Variants in IGFBP5 observed in about 807,000 individuals in gnomAD.
IGFBP5 encodes insulin like growth factor binding protein 5.
IGFBP5 carries 12 observed loss-of-function variants against 28.0 expected under a neutral mutation model. That is an observed-to-expected ratio of 0.43 (90% CI 0.27 to 0.69). The LOEUF is 0.69. Ranked by LOEUF, IGFBP5 falls within the 30% of genes least tolerant of loss-of-function variation. The pLI is 0.20. For missense variants in IGFBP5, 344 were observed against 381.6 expected, an observed-to-expected ratio of 0.90 and a Z score of 0.82; for synonymous variants, 152 against 150.2, an observed-to-expected ratio of 1.01 and a Z score of -0.09.
At chr2:216,682,962 C>A (rs1350633348) in intron 1 of IGFBP5, among the ~76,000 whole-genome samples, 5 of 151,996 alleles carry the variant, frequency 3.3e-5, no homozygotes, top group Non-Finnish European at 7.4e-5. Context: ...CCCGCCTTGG[C>A]CTCCCAAAGA....
intron 3 of IGFBP5, 45 bp from the exon 4 acceptor site, chr2:216,676,927 G>T: frequency 6.2e-7 from 1 of 1,604,636 alleles, no homozygotes; most frequent in Non-Finnish European, 8.5e-7. Context: ...CCGCACCCCA[G>T]GGCTCTGCTC....
intron 1 of IGFBP5, among the ~76,000 whole-genome samples, chr2:216,686,948 C>A (rs1304978133): frequency 1.3e-5 from 2 of 152,108 alleles, no homozygotes; most frequent in East Asian, 3.9e-4. Context: ...ATGGCAATGG[C>A]CCCTTCTCCA....
intron 2 of IGFBP5, 32 bp from the exon 3 acceptor site, chr2:216,678,263 A>G (rs1415050170): frequency 6.7e-7 from 1 of 1,486,360 alleles, no homozygotes; most frequent in East Asian, 2.4e-5. Context: ...AGGCGTGGCG[A>G]GACCAAGGGA....
In IGFBP5 at chr2:216,694,722, G is replaced by A; in HGVS notation, c.54C>T (p.Ala18=). The A allele has an allele frequency of 6.8e-7, 1 of 1,466,062 alleles. No homozygotes were observed. 90.8% of individuals were successfully genotyped at this position (1,466,062 alleles called of 1,614,324 possible). A position where few individuals can be genotyped will look rare whatever the true frequency, so the allele number is the denominator to read the frequency against. Residue 18 remains alanine (A), a synonymous_variant, in exon 1 of 4, where the codon GCC becomes GCT. Transcript: ENST00000233813. The surrounding 1 kb of genome is among the most constrained non-coding windows in gnomAD (Gnocchi z 5.2). ...LLLLAAYAGP[A]QSLGSFVHCE... The stretch of plus-strand genomic sequence containing the variant: ...AGTGCACGAAGGAGCCCAGGCTCTG[G>A]GCCGGCCCCGCATAGGCGGCCAGCA...
At position 216,694,714 on chromosome 2, in the gene IGFBP5, A is replaced by G; in HGVS notation, c.62T>C (p.Leu21Pro). The change falls in exon 1 of 4, where the codon CTG becomes CCG. Residue 21 changes from leucine to proline, a missense_variant. This residue lies in a region of IGFBP5 where 304 missense variants were observed against 329.2 expected (regional missense o/e 0.92). Coordinates refer to ENST00000233813, the MANE Select transcript of IGFBP5 (RefSeq NM_000599.4). The surrounding 1 kb of genome is among the most constrained non-coding windows in gnomAD (Gnocchi z 5.2). The stretch of plus-strand genomic sequence containing the variant: ...GGGCTCGCAGTGCACGAAGGAGCCC[A>G]GGCTCTGGGCCGGCCCCGCATAGGC... ...LAAYAGPAQS[L>P]GSFVHCEPCD... 1 of 1,484,064 alleles carries G rather than the reference A, an allele frequency of 6.7e-7. No individual in the cohort carries two copies. The highest frequency in any genetic ancestry group is 2.5e-5 in the East Asian group (1 of 39,654). 91.9% of individuals were successfully genotyped at this position (1,484,064 alleles called of 1,614,324 possible). A position where few individuals can be genotyped will look rare whatever the true frequency, so the allele number is the denominator to read the frequency against.
rs554441840 is a variant in IGFBP5, at chr2:216,678,148, G to T, written c.651C>A (p.Pro217=). 1 of 1,584,834 alleles carries T rather than the reference G, an allele frequency of 6.3e-7. No homozygotes were observed. Among genetic ancestry groups the T allele is most frequent in the South Asian group, 1.2e-5 (1 of 86,886 alleles). The change falls in exon 3 of 4, where the codon CCC becomes CCA. Residue 217 remains proline, a synonymous_variant. Coordinates refer to ENST00000233813, the MANE Select transcript of IGFBP5 (RefSeq NM_000599.4). ...TGTAGAATCCTTTGCGGTCACAATT[G>T]GGCAGGTACACAGCACGGGGCACCA... ...PRMVPRAVYL[P]NCDRKGFYKR...
At chr2:216,687,223 G>T (rs1574581505) in intron 1 of IGFBP5, among the ~76,000 whole-genome samples, 1 of 152,288 alleles carries the variant, frequency 6.6e-6, no homozygotes. Flanking sequence ...ACTTGGCACA[G>T]GTGCTCTCCG....
At chr2:216,690,877 GGA>G (rs1459717368) in intron 1 of IGFBP5, among the ~76,000 whole-genome samples, 11 of 140,770 alleles carry the variant, frequency 7.8e-5, no homozygotes, top group African/African-American at 2.0e-4. Context: ...GAAAGGTGGG[GGA>G]GGGGGGGCGG....
chr2:216,687,442 G>C (rs1446513613), intron 1 of IGFBP5, among the ~76,000 whole-genome samples: 1 of 152,180 alleles, frequency 6.6e-6, no homozygotes, highest in Non-Finnish European at 1.5e-5. Context: ...CTGCCCCACT[G>C]TCCAGGGACC....
In IGFBP5 at chr2:216,692,499, A is replaced by G. The variant is rs1004716104; in HGVS notation, c.337+1940T>C. ...CATCACACTACACGCTTGGTAAATAATAAGTGGAGCCAGGATGCGGCTGAG... is the reference window on the plus strand; with the variant it reads ...CATCACACTACACGCTTGGTAAATAGTAAGTGGAGCCAGGATGCGGCTGAG... On this transcript the variant is annotated intron_variant, in intron 1 of 3. Transcript: ENST00000233813. The surrounding 1 kb of genome is among the most constrained non-coding windows in gnomAD (Gnocchi z 4.2). Among the ~76,000 whole-genome samples the G allele has an allele frequency of 3.3e-5, 5 of 152,072 alleles. No individual in the cohort carries two copies. The highest frequency in any genetic ancestry group is 9.7e-5 in the African/African-American group (4 of 41,426).
intron 3 of IGFBP5, among the ~76,000 whole-genome samples, chr2:216,677,670 C>G (rs1413266323): frequency 6.6e-6 from 1 of 152,134 alleles, no homozygotes; most frequent in Non-Finnish European, 1.5e-5. Flanking sequence ...TGGGGCCCAG[C>G]CATCAGCCAT....
chr2:216,685,293 A>G (rs2106222013), intron 1 of IGFBP5, among the ~76,000 whole-genome samples: 1 of 152,044 alleles, frequency 6.6e-6, no homozygotes, highest in East Asian at 1.9e-4. Flanking sequence ...AAAAGTATAT[A>G]TTTAATATGG....
chr2:216,682,192 C>A (rs1430425043), intron 1 of IGFBP5, among the ~76,000 whole-genome samples: 2 of 152,172 alleles, frequency 1.3e-5, no homozygotes, highest in African/African-American at 4.8e-5. Flanking sequence ...GTTTCTGGTG[C>A]CACTTAACCC....
rs141522040 is a variant in IGFBP5 at position 216,687,902 on chromosome 2, C to T, written c.337+6537G>A. On this transcript the variant is annotated intron_variant, in intron 1 of 3. Transcript: ENST00000233813. ...CTCTCCTGAGGCCCCGAAGAAGGTG[C>T]CCAGGCTCTGCTAGGGACCAAACAA... Among the ~76,000 whole-genome samples, 6 of 152,262 alleles carry T rather than the reference C, an allele frequency of 3.9e-5. No individual in the cohort carries two copies. The East Asian group carries it at 1.2e-3, about 29-fold the overall frequency.
Position 216,689,328 on chromosome 2 carries a change from A to T in IGFBP5, c.337+5111T>A, listed in dbSNP as rs557861394. ...GCTGGGGTGAACACCCCTCCTTCAC[A>T]CCCTCTTGGTCCTCTTTCTCTGACC... On this transcript the variant is annotated intron_variant, in intron 1 of 3. Coordinates refer to ENST00000233813, the MANE Select transcript of IGFBP5 (RefSeq NM_000599.4). Among the ~76,000 whole-genome samples, 4 of 152,194 alleles carry T rather than the reference A, an allele frequency of 2.6e-5. No homozygotes were observed. The East Asian group carries it at 7.7e-4, about 29-fold the overall frequency.
intron 1 of IGFBP5, among the ~76,000 whole-genome samples, chr2:216,682,712 TTG>T (rs1470812199): frequency 6.6e-6 from 1 of 151,634 alleles, no homozygotes; most frequent in African/African-American, 2.4e-5. Flanking sequence ...GAAGCGTTTT[TTG>T]TTTTTTTTTT....
Position 216,694,846 on chromosome 2 carries a change from A to T in IGFBP5, c.-71T>A. On this transcript the variant is annotated 5_prime_UTR_variant, in exon 1 of 4. Coordinates refer to ENST00000233813, the MANE Select transcript of IGFBP5 (RefSeq NM_000599.4). This position sits in a 1 kb window ranked among gnomAD's most constrained non-coding sequence, Gnocchi z 5.2. ...AGAGTGCAGGGATAAAGGGGCCAAG[A>T]GGGCCCCCGGAGATTTTTTTGTTTT... is the stretch of plus-strand genomic sequence containing the variant. 1 of 1,058,106 alleles carries T rather than the reference A, an allele frequency of 9.5e-7. No individual in the cohort carries two copies. The highest frequency in any genetic ancestry group is 4.0e-5 in the Admixed American group (1 of 24,860). 65.5% of individuals were successfully genotyped at this position (1,058,106 alleles called of 1,614,324 possible).
Position 216,681,423 on chromosome 2 carries a change from C to G in IGFBP5, c.338-2344G>C, listed in dbSNP as rs116356351. Among the ~76,000 whole-genome samples, 335 of 152,230 alleles carry G rather than the reference C, an allele frequency of 2.2e-3. 2 individuals carry two copies. Among genetic ancestry groups the G allele is most frequent in the African/African-American group, 7.8e-3 (326 of 41,536 alleles). On this transcript the variant is annotated intron_variant, in intron 1 of 3. Transcript: ENST00000233813. ...GGTGGGGGAGTGGGCTGGCTGCTGA[C>G]CAGCGCATGCGTCTATGCGTCTCCT...
chr2:216,677,978 G>C (rs778375833), intron 3 of IGFBP5, 134 bp downstream of exon 3: 243 of 739,084 alleles, frequency 3.3e-4, no homozygotes, highest in Non-Finnish European at 4.7e-4. Context: ...CGTGGTATAT[G>C]AATGGGTATC....
Sources: gnomAD v4.1 joint callset for allele counts (sites outside exome capture counted in the v4.1 genomes callset) on GRCh38, gnomAD v4.1.1 for gene constraint, gnomAD v4.1.1 regional missense constraint, Gnocchi (gnomAD v3.1) non-coding constraint, MANE v1.5 for transcripts, NCBI Gene and HGNC (gene_info 2026-07-23, HGNC 2026-07-21) for gene names.